Variants in NAE1 observed in about 807,000 individuals in gnomAD.
NAE1 encodes NEDD8 activating enzyme E1 subunit 1.
NAE1 carries 59 observed loss-of-function variants against 88.0 expected under a neutral mutation model. That is an observed-to-expected ratio of 0.67 (90% confidence interval 0.54 to 0.83). The LOEUF (loss-of-function observed/expected upper bound fraction) is 0.83, where lower values mean the gene tolerates loss of function less well. Ranked by LOEUF, NAE1 falls within the 40% of genes least tolerant of loss-of-function variation. The probability of loss-of-function intolerance (pLI) is 0.00; values close to 1 mark genes in which losing one functional copy is unlikely to be tolerated. For synonymous variants in NAE1, 186 were observed against 208.9 expected, an observed-to-expected ratio of 0.89 and a Z score of 0.95; for missense variants, 554 against 632.8, an observed-to-expected ratio of 0.88 and a Z score of 1.34.
intron 7 of NAE1, among the ~76,000 whole-genome samples, chr16:66,819,307 T>C (rs1261568003): frequency 6.6e-6 from 1 of 152,202 alleles, no homozygotes. Flanking sequence ...AGAAACCTGA[T>C]GGGCATCCTT....
chr16:66,813,489 T>C (rs1250804306), intron 13 of NAE1, 75 bp downstream of exon 13: 2 of 1,481,136 alleles, frequency 1.4e-6, no homozygotes, highest in Non-Finnish European at 1.8e-6. Flanking sequence ...ATTTGATTTC[T>C]GACAGGATGA....
Position 66,809,078 on chromosome 16 carries a change from GA to G in NAE1, c.1151-4del, listed in dbSNP as rs1567488218. On this transcript the variant is annotated splice_polypyrimidine_tract_variant and splice_region_variant and intron_variant, in intron 15 of 19. Coordinates refer to ENST00000290810, the MANE Select transcript of NAE1 (RefSeq NM_003905.4). ...TCGAAGAAATGCAGAATTGCTGCCT[GA>G]ACAGAGGAAAGATATTCTGGAAGTA... The G allele has an allele frequency of 6.2e-7, 1 of 1,605,116 alleles. No homozygotes were observed. Among genetic ancestry groups the G allele is most frequent in the South Asian group, 1.1e-5 (1 of 90,048 alleles).
Position 66,805,758 on chromosome 16 carries a change from TCTC to T in NAE1, c.1495+16_1495+18del. The T allele has an allele frequency of 6.9e-7, 1 of 1,451,744 alleles. No individual in the cohort carries two copies. Among genetic ancestry groups the T allele is most frequent in the Non-Finnish European group, 9.1e-7 (1 of 1,102,714 alleles). The allele number at this position is 1,451,744 out of a possible 1,614,324, so 89.9% of individuals were successfully genotyped here. The stretch of plus-strand genomic sequence containing the variant: ...GTACTATGTAACAACAGGTGAGTCT[TCTC>T]ATATATGGAACTCACCCCCCAAGAA... On this transcript the variant is annotated intron_variant, in intron 19 of 19. Coordinates refer to ENST00000290810, the MANE Select transcript of NAE1 (RefSeq NM_003905.4).
chr16:66,814,499 G>C (rs978437152), intron 11 of NAE1, among the ~76,000 whole-genome samples: 3 of 151,684 alleles, frequency 2.0e-5, no homozygotes, highest in Non-Finnish European at 2.9e-5. Flanking sequence ...AGGCTGAGGT[G>C]GGGGGATCAC....
At chr16:66,813,762 A>G in intron 12 of NAE1, 25 bp downstream of exon 12, 2 of 1,612,832 alleles carry the variant, frequency 1.2e-6, no homozygotes, top group Non-Finnish European at 1.7e-6. Context: ...TTTAGCAGCA[A>G]TGTTTTTACT....
In NAE1 at chr16:66,802,972, T is replaced by G; in HGVS notation, c.*37A>C. 7.7e-7 allele frequency: 1 copy of G among 1,301,526 alleles called. No homozygotes were observed. Among genetic ancestry groups the G allele is most frequent in the South Asian group, 1.2e-5 (1 of 83,844 alleles). 80.6% of individuals were successfully genotyped at this position (1,301,526 alleles called of 1,614,324 possible). A position where few individuals can be genotyped will look rare whatever the true frequency, so the allele number is the denominator to read the frequency against. On this transcript the variant is annotated 3_prime_UTR_variant, in exon 20 of 20. Transcript: ENST00000290810. ...GCACAACCCGAAGGCAATTACAGTT[T>G]CAATCATTAACACACTACTTAAGGT...
chr16:66,819,015 T>C (rs935433451), intron 7 of NAE1, among the ~76,000 whole-genome samples: 9 of 152,212 alleles, frequency 5.9e-5, no homozygotes, highest in Non-Finnish European at 1.3e-4. Flanking sequence ...CATTGAATTA[T>C]AGAAACTTAG....
rs527972853 is a variant in NAE1, at chr16:66,808,626, A to C, written c.1238-13T>G. On this transcript the variant is annotated splice_polypyrimidine_tract_variant and intron_variant, in intron 16 of 19. Transcript: ENST00000290810. ...TCCATGCTAGAAACTGAAAGGAAAA[A>C]AAATTTCAGTTTAATTTGGTTAATT... is the stretch of plus-strand genomic sequence containing the variant. The C allele has an allele frequency of 6.4e-7, 1 of 1,562,042 alleles. No homozygotes were observed. Among genetic ancestry groups the C allele is most frequent in the Non-Finnish European group, 8.8e-7 (1 of 1,138,056 alleles).
At chr16:66,805,389 TGG>T (rs1400292033) in intron 19 of NAE1, among the ~76,000 whole-genome samples, 1 of 151,964 alleles carries the variant, frequency 6.6e-6, no homozygotes, top group African/African-American at 2.4e-5. Context: ...TGGATGGCAG[TGG>T]GAGAGATGGA....
chr16:66,828,552 T>C (rs895043438), intron 1 of NAE1, among the ~76,000 whole-genome samples: 2 of 151,278 alleles, frequency 1.3e-5, no homozygotes, highest in African/African-American at 2.4e-5. Flanking sequence ...TGTGTGCCTG[T>C]AGTCCCAGCT....
chr16:66,812,412 C>T (rs749449882), intron 13 of NAE1, among the ~76,000 whole-genome samples: 1 of 150,952 alleles, frequency 6.6e-6, no homozygotes, highest in African/African-American at 2.4e-5. Context: ...TTAAGTTTAT[C>T]ATGAAGTATG....
At chr16:66,813,064 C>G (rs1290218914) in intron 13 of NAE1, 1 of 152,818 alleles carries the variant, frequency 6.5e-6, no homozygotes, top group Non-Finnish European at 1.5e-5. Context: ...ACCTCGTGAT[C>G]CGCCTGCCTC....
Position 66,821,611 on chromosome 16 carries a change from A to C in NAE1, c.402-52T>G. 2.9e-6 allele frequency: 4 copies of C among 1,391,642 alleles called. No individual in the cohort carries two copies. In the Admixed American group the frequency reaches 1.0e-4, roughly 35 times the overall value. 86.2% of individuals were successfully genotyped at this position (1,391,642 alleles called of 1,614,324 possible). A position where few individuals can be genotyped will look rare whatever the true frequency, so the allele number is the denominator to read the frequency against. On this transcript the variant is annotated intron_variant, in intron 6 of 19. Coordinates refer to ENST00000290810, the MANE Select transcript of NAE1 (RefSeq NM_003905.4). Reference sequence around the variant, plus strand: ...GAACATAAGCAAATGGAAATATGCCAAACATGAAAACATGCAAAACATGAA... The same window carrying C: ...GAACATAAGCAAATGGAAATATGCCCAACATGAAAACATGCAAAACATGAA...
intron 14 of NAE1, 119 bp downstream of exon 14, chr16:66,810,578 G>A: frequency 9.0e-7 from 1 of 1,105,312 alleles, no homozygotes. Flanking sequence ...ATTAGGCAGG[G>A]AAATGACAGC....
intron 1 of NAE1, 104 bp downstream of exon 1, chr16:66,830,740 GGAA>G: frequency 1.8e-6 from 2 of 1,117,300 alleles, no homozygotes; most frequent in African/African-American, 1.6e-5. Flanking sequence ...GGCCCAGCCT[GGAA>G]GAAGGCCTGA....
chr16:66,824,888 A>G lies in NAE1; in HGVS notation c.219-3T>C, dbSNP rs1040367675. ...TACTGCTTCTTTGAAGGAAGAAACT[A>G]AAGTGAACAGAATAAAGGAAAAAAA... is the stretch of plus-strand genomic sequence containing the variant. On this transcript the variant is annotated splice_polypyrimidine_tract_variant and splice_region_variant and intron_variant, in intron 3 of 19. Transcript: ENST00000290810. 1.1e-5 allele frequency: 17 copies of G among 1,609,366 alleles called. No homozygotes were observed. Among genetic ancestry groups the G allele is most frequent in the Non-Finnish European group, 1.3e-5 (15 of 1,177,544 alleles).
At chr16:66,823,076 C>CA (rs776599321) in intron 6 of NAE1, 151 bp downstream of exon 6, 30,312 of 150,312 alleles carry the variant, frequency 0.2, 3,053 homozygotes, top group African/African-American at 0.53. Flanking sequence ...AGCTCAAGCT[C>CA]AAAAAAAAAA....
Position 66,822,673 on chromosome 16 carries a change from TA to T in NAE1, c.401+553del, listed in dbSNP as rs199660990. Among the ~76,000 whole-genome samples, 647 of 147,950 alleles carry T rather than the reference TA, an allele frequency of 4.4e-3. 3 individuals are homozygous for T. Among genetic ancestry groups the T allele is most frequent in the South Asian group, 0.021 (95 of 4,614 alleles). ...TCTTTTATTTATTTATTTATTTATT[TA>T]TTTTTTTTTTTTGAGACAGAGTCTA... On this transcript the variant is annotated intron_variant, in intron 6 of 19. Transcript: ENST00000290810.
chr16:66,810,689 T>C lies in NAE1; in HGVS notation c.1110+8A>G, dbSNP rs754435976. 7 of 1,612,918 alleles carry C rather than the reference T, an allele frequency of 4.3e-6. No individual in the cohort carries two copies. The highest frequency in any genetic ancestry group is 1.6e-4 in the Middle Eastern group (1 of 6,062). ...GCCTGTATGGGCACAGTGTGCCCAG[T>C]AGCTTACCTGGCCAATGGACTGCAG... On this transcript the variant is annotated splice_region_variant and intron_variant, in intron 14 of 19. Transcript: ENST00000290810.
Sources: allele counts gnomAD v4.1 joint callset (sites outside exome capture counted in the v4.1 genomes callset), GRCh38; gene constraint gnomAD v4.1.1; transcripts MANE v1.5; gene names NCBI Gene and HGNC (gene_info 2026-07-23, HGNC 2026-07-21).